Variants in COL23A1 observed in about 807,000 individuals in gnomAD.
COL23A1 encodes collagen alpha-1(XXIII) chain.
Under a neutral mutation model 99.3 loss-of-function variants are expected in COL23A1, and 97 were observed. That is an observed-to-expected ratio of 0.98 (90% confidence interval 0.83 to 1.16). The LOEUF (loss-of-function observed/expected upper bound fraction) is 1.16. COL23A1 is among the 50% of genes most tolerant of loss of function. The pLI, the probability that COL23A1 is intolerant of heterozygous loss-of-function variation, is 0.00. For synonymous variants in COL23A1, 320 were observed against 308.2 expected, an observed-to-expected ratio of 1.04 and a Z score of -0.40; for missense variants, 762 against 757.4, an observed-to-expected ratio of 1.01 and a Z score of -0.07.
chr5:178,476,942 A>G (rs1370590794), intron 2 of COL23A1, among the ~76,000 whole-genome samples: 1 of 152,244 alleles, frequency 6.6e-6, no homozygotes, highest in Non-Finnish European at 1.5e-5. Flanking sequence ...GTTTGAACCC[A>G]AAGTGTCAGA....
At chr5:178,502,307 ATTT>A (rs1213799440) in intron 2 of COL23A1, among the ~76,000 whole-genome samples, 1 of 151,984 alleles carries the variant, frequency 6.6e-6, no homozygotes, top group Non-Finnish European at 1.5e-5. Context: ...AATTTTTTGT[ATTT>A]TTAGTAGAGA....
chr5:178,581,585 A>G (rs952677937), intron 1 of COL23A1, among the ~76,000 whole-genome samples: 1 of 151,396 alleles, frequency 6.6e-6, no homozygotes, highest in South Asian at 2.1e-4. Context: ...AAAAAAAATT[A>G]AAACGAAAAA....
In COL23A1 at chr5:178,245,355, TATCC is replaced by T. The variant is rs148358275; in HGVS notation, c.1440+583_1440+586del. ...ATCCATCCATCCATCATTCATCTATTATCCATCCATCCATCCATCCATCCATAGT... is the reference window on the plus strand; with the variant it reads ...ATCCATCCATCCATCATTCATCTATTATCCATCCATCCATCCATCCATAGT... On this transcript the variant is annotated intron_variant, in intron 25 of 28. Coordinates refer to ENST00000390654, the MANE Select transcript of COL23A1 (RefSeq NM_173465.4). 7.4e-3 allele frequency among the ~76,000 whole-genome samples: 1,045 copies of T among 141,010 alleles called. 4 individuals are homozygous for T. Among genetic ancestry groups the T allele is most frequent in the African/African-American group, 9.8e-3 (369 of 37,504 alleles). 92.5% of individuals were successfully genotyped at this position (141,010 alleles called of 152,430 possible).
chr5:178,582,343 C>T (rs1316680200), intron 1 of COL23A1, among the ~76,000 whole-genome samples: 2 of 151,888 alleles, frequency 1.3e-5, no homozygotes, highest in African/African-American at 4.8e-5. Flanking sequence ...CTAATGGGCA[C>T]GTCAAGGGGC....
At chr5:178,440,017 G>A (rs1293928636) in intron 2 of COL23A1, 1 of 152,244 alleles carries the variant, frequency 6.6e-6, no homozygotes, top group Non-Finnish European at 1.5e-5. Context: ...CTGGGGGAAG[G>A]AACGGGGATT....
Position 178,257,583 on chromosome 5 carries a change from C to T in COL23A1, c.730-16G>A, listed in dbSNP as rs771502177. ...CATCGTCGCCCTGAGGAGAGGACACCTGGGGCTTGCCGGTCAGACCCTCGG... is the reference window on the plus strand; with the variant it reads ...CATCGTCGCCCTGAGGAGAGGACACTTGGGGCTTGCCGGTCAGACCCTCGG... On this transcript the variant is annotated splice_polypyrimidine_tract_variant and intron_variant, in intron 12 of 28. Transcript: ENST00000390654. 21 of 1,553,364 alleles carry T rather than the reference C, an allele frequency of 1.4e-5. No individual in the cohort carries two copies. In the Admixed American group the frequency reaches 3.9e-4, roughly 29 times the overall value.
At chr5:178,320,130 C>A (rs1358196978) in intron 2 of COL23A1, among the ~76,000 whole-genome samples, 1 of 152,212 alleles carries the variant, frequency 6.6e-6, no homozygotes, top group East Asian at 1.9e-4. Context: ...CTTTTATCTT[C>A]TTCCAGACAC....
intron 2 of COL23A1, among the ~76,000 whole-genome samples, chr5:178,407,842 C>T (rs1282123639): frequency 2.0e-5 from 3 of 151,984 alleles, no homozygotes; most frequent in African/African-American, 7.3e-5. Flanking sequence ...ACCTGTGGGA[C>T]TAAAACAAAA....
intron 3 of COL23A1, among the ~76,000 whole-genome samples, chr5:178,292,021 C>T (rs532672952): frequency 1.3e-5 from 2 of 152,226 alleles, no homozygotes; most frequent in South Asian, 2.1e-4. Flanking sequence ...CAAAAGCTGC[C>T]GGATAGGTTC....
At chr5:178,318,513 A>G (rs1168309633) in intron 2 of COL23A1, among the ~76,000 whole-genome samples, 1 of 152,206 alleles carries the variant, frequency 6.6e-6, no homozygotes, top group Non-Finnish European at 1.5e-5. Flanking sequence ...TCCTGCCCAC[A>G]GGGGCTCAGA....
At position 178,516,827 on chromosome 5, in the gene COL23A1, C is replaced by A. The variant is rs1421447378; in HGVS notation, c.361+43855G>T. On this transcript the variant is annotated intron_variant, in intron 2 of 28. Coordinates refer to ENST00000390654, the MANE Select transcript of COL23A1 (RefSeq NM_173465.4). The stretch of plus-strand genomic sequence containing the variant: ...CCTTGTCCACCCCATGATCCCTGCA[C>A]CTCACACCTATCCTGAAGCAAACTA... Among the ~76,000 whole-genome samples the A allele has an allele frequency of 6.8e-4, 103 of 152,196 alleles. 1 individual carries two copies. Among genetic ancestry groups the A allele is most frequent in the Non-Finnish European group, 1.6e-4 (11 of 68,040 alleles).
intron 3 of COL23A1, among the ~76,000 whole-genome samples, chr5:178,299,830 T>C (rs568820465): frequency 2.2e-3 from 334 of 152,274 alleles, no homozygotes; most frequent in Middle Eastern, 0.017. Flanking sequence ...CTCGGCTCAC[T>C]GCAACCTCTG....
chr5:178,356,019 T>G (rs3097173), intron 2 of COL23A1, among the ~76,000 whole-genome samples: 65,504 of 152,108 alleles, frequency 0.43, 14,429 homozygotes, highest in South Asian at 0.53. Flanking sequence ...ATGGGATGAT[T>G]TCCAAGATTT....
chr5:178,570,765 C>T (rs935179257), intron 1 of COL23A1, among the ~76,000 whole-genome samples: 8 of 152,072 alleles, frequency 5.3e-5, no homozygotes, highest in African/African-American at 1.7e-4. Context: ...AGGGGGGACG[C>T]GGGTGGTGCC....
intron 2 of COL23A1, among the ~76,000 whole-genome samples, chr5:178,482,763 G>A (rs1562011303): frequency 6.6e-6 from 1 of 152,186 alleles, no homozygotes; most frequent in Non-Finnish European, 1.5e-5. Flanking sequence ...TCGGCCGGGC[G>A]TGGTGGCGGG....
At position 178,249,193 on chromosome 5, in the gene COL23A1, T is replaced by C. The variant is rs377159494; in HGVS notation, c.1073A>G (p.Gln358Arg). Reference sequence around the variant, plus strand: ...CCCAGGCTCTCCTGGGTCTCCTTTCTGTCCTTTGGGGCCCTGAAAGCCATA... The same window carrying C: ...CCCAGGCTCTCCTGGGTCTCCTTTCCGTCCTTTGGGGCCCTGAAAGCCATA... The part of the protein sequence containing the change: ...GIDGEKGPKG[Q>R]KGDPGEPGPA... The change falls in exon 19 of 29, where the codon CAG becomes CGG. Residue 358 changes from glutamine to arginine, a missense_variant. Transcript: ENST00000390654. The C allele has an allele frequency of 1.2e-6, 2 of 1,614,100 alleles. No homozygotes were observed. Among genetic ancestry groups the C allele is most frequent in the Non-Finnish European group, 1.7e-6 (2 of 1,180,024 alleles).
chr5:178,541,579 G>T (rs1430140523), intron 2 of COL23A1, among the ~76,000 whole-genome samples: 2 of 152,158 alleles, frequency 1.3e-5, no homozygotes, highest in African/African-American at 2.4e-5. Context: ...TGTCTCAGAA[G>T]ATTTGGAACT....
chr5:178,452,706 A>C (rs1314209462), intron 2 of COL23A1, among the ~76,000 whole-genome samples: 1 of 152,120 alleles, frequency 6.6e-6, no homozygotes, highest in Non-Finnish European at 1.5e-5. Flanking sequence ...GTTCAACCAC[A>C]CTCATAATAA....
chr5:178,588,807 A>C (rs1764124804), intron 1 of COL23A1, among the ~76,000 whole-genome samples: 1 of 152,204 alleles, frequency 6.6e-6, no homozygotes. Context: ...TACGTTAATA[A>C]AGATCCCAGC....
Sources: allele counts gnomAD v4.1 joint callset (sites outside exome capture counted in the v4.1 genomes callset), GRCh38; gene constraint gnomAD v4.1.1; transcripts MANE v1.5; gene names NCBI Gene and HGNC (gene_info 2026-07-23, HGNC 2026-07-21).